Variants in RBFOX1 observed in about 807,000 individuals in gnomAD.
The protein encoded by RBFOX1 is RNA binding protein fox-1 homolog 1.
In RBFOX1, 8 loss-of-function variants were observed where a neutral mutation model predicts 57.7. That is an observed-to-expected ratio of 0.14 (90% CI 0.08 to 0.25). The LOEUF is 0.25. Among genes scored for constraint, RBFOX1 ranks in the 10% least tolerant of loss-of-function variants. The pLI, the probability that RBFOX1 is intolerant of heterozygous loss-of-function variation, is 1.00. For missense variants in RBFOX1, 611 were observed against 548.5 expected, an observed-to-expected ratio of 1.11 and a Z score of -1.14; for synonymous variants, 326 against 222.4, an observed-to-expected ratio of 1.47 and a Z score of -4.15.
intron 4 of RBFOX1, among the ~76,000 whole-genome samples, chr16:7,126,852 C>CA (rs1274015345): frequency 2.0e-5 from 3 of 151,432 alleles, no homozygotes; most frequent in African/African-American, 4.9e-5. Context: ...ACTAAACATA[C>CA]AAAAAAATGA....
intron 4 of RBFOX1, among the ~76,000 whole-genome samples, chr16:7,245,422 T>A (rs551320227): frequency 6.7e-6 from 1 of 150,224 alleles, no homozygotes; most frequent in Non-Finnish European, 1.5e-5. Context: ...TATCAACCCG[T>A]CACCTAGTAT....
chr16:7,656,884 A>C (rs1242927339), intron 12 of RBFOX1, among the ~76,000 whole-genome samples: 1 of 152,184 alleles, frequency 6.6e-6, no homozygotes, highest in Non-Finnish European at 1.5e-5. Context: ...AGAAGAGAAG[A>C]AATATGGGGT....
At chr16:6,802,254 C>A (rs967103213) in intron 3 of RBFOX1, among the ~76,000 whole-genome samples, 1 of 151,912 alleles carries the variant, frequency 6.6e-6, no homozygotes, top group South Asian at 2.1e-4. Flanking sequence ...CAGTCAGTGC[C>A]GAAACAGTAG....
intron 1 of RBFOX1, among the ~76,000 whole-genome samples, chr16:6,262,004 G>A (rs1344550963): frequency 2.6e-5 from 4 of 151,932 alleles, no homozygotes; most frequent in Non-Finnish European, 5.9e-5. Flanking sequence ...ACTCCAGCCT[G>A]GGCAACAGAG....
chr16:5,420,022 G>A lies in RBFOX1; in HGVS notation c.220-47194G>A, dbSNP rs141380165. On this transcript the variant is annotated intron_variant, in intron 1 of 2. Transcript: ENST00000585867. ...TGTGACTTGGGCCTGTGAGACCCTG[G>A]GAAGAGAGTCCAACTGAGTCCCCTG... Among the ~76,000 whole-genome samples, 12 of 152,254 alleles carry A rather than the reference G, an allele frequency of 7.9e-5. No individual in the cohort carries two copies. In the East Asian group the frequency reaches 1.6e-3, roughly 20 times the overall value.
intron 2 of RBFOX1, among the ~76,000 whole-genome samples, chr16:6,389,848 C>T (rs1467841632): frequency 2.0e-5 from 3 of 152,104 alleles, no homozygotes; most frequent in Non-Finnish European, 4.4e-5. Flanking sequence ...TGCTGTCTTC[C>T]CAGTATTTGG....
chr16:6,159,877 C>A (rs971922643), intron 1 of RBFOX1, among the ~76,000 whole-genome samples: 3 of 123,978 alleles, frequency 2.4e-5, no homozygotes, highest in Admixed American at 9.8e-5. Context: ...GGTATTAAAT[C>A]AGTATCTCCT....
At chr16:7,326,920 G>A (rs2096619279) in intron 4 of RBFOX1, among the ~76,000 whole-genome samples, 1 of 152,114 alleles carries the variant, frequency 6.6e-6, no homozygotes, top group Non-Finnish European at 1.5e-5. Flanking sequence ...ATTTCTGGAA[G>A]GATTTGGGAA....
At chr16:6,238,107 A>G (rs2097520663) in intron 1 of RBFOX1, among the ~76,000 whole-genome samples, 2 of 150,536 alleles carry the variant, frequency 1.3e-5, no homozygotes, top group Non-Finnish European at 1.5e-5. Flanking sequence ...AAAAAAAAAA[A>G]AAAAGAAAGA....
intron 5 of RBFOX1, among the ~76,000 whole-genome samples, chr16:7,542,793 G>C (rs2083307351): frequency 7.3e-6 from 1 of 136,388 alleles, no homozygotes; most frequent in Non-Finnish European, 1.6e-5. Flanking sequence ...ATTGAACCTG[G>C]GAGGCAAGAC....
chr16:6,819,437 G>A (rs574523601), intron 3 of RBFOX1, among the ~76,000 whole-genome samples: 3 of 152,200 alleles, frequency 2.0e-5, no homozygotes, highest in Admixed American at 2.0e-4. Context: ...GGTAGGCCGG[G>A]CATGGTGGCT....
At chr16:7,217,896 A>G (rs1042870209) in intron 4 of RBFOX1, among the ~76,000 whole-genome samples, 5 of 127,388 alleles carry the variant, frequency 3.9e-5, no homozygotes, top group Non-Finnish European at 6.7e-5. Flanking sequence ...GTGCATGCGT[A>G]TGTGTGTGCA....
intron 3 of RBFOX1, among the ~76,000 whole-genome samples, chr16:6,817,009 A>T (rs1192061233): frequency 6.6e-6 from 1 of 152,018 alleles, no homozygotes; most frequent in African/African-American, 2.4e-5. Flanking sequence ...CTGCCTCCCA[A>T]AGTGCTGAGA....
intron 14 of RBFOX1, among the ~76,000 whole-genome samples, chr16:7,707,001 T>C (rs955450944): frequency 6.6e-6 from 1 of 152,170 alleles, no homozygotes; most frequent in African/African-American, 2.4e-5. Flanking sequence ...CCATTTTTGA[T>C]AAGAAGGACT....
intron 4 of RBFOX1, among the ~76,000 whole-genome samples, chr16:5,992,283 G>T (rs1200789438): frequency 6.6e-6 from 1 of 152,146 alleles, no homozygotes; most frequent in Non-Finnish European, 1.5e-5. Context: ...AGCTGCAGTG[G>T]GATTGCAATA....
At chr16:7,025,685 G>T (rs1035645970) in intron 3 of RBFOX1, among the ~76,000 whole-genome samples, 2 of 152,134 alleles carry the variant, frequency 1.3e-5, no homozygotes, top group Non-Finnish European at 1.5e-5. Flanking sequence ...AGAAGGCCTG[G>T]CCTGGCCTCT....
chr16:7,388,786 C>G (rs566676838), intron 4 of RBFOX1, among the ~76,000 whole-genome samples: 1 of 151,316 alleles, frequency 6.6e-6, no homozygotes, highest in East Asian at 2.0e-4. Flanking sequence ...TGAGTTTGTC[C>G]AAATGTAGGC....
chr16:7,029,105 CACACACACACACACACAT>C (rs1568440127), intron 3 of RBFOX1, among the ~76,000 whole-genome samples: 2 of 92,556 alleles, frequency 2.2e-5, no homozygotes, highest in Non-Finnish European at 3.8e-5. Flanking sequence ...CACACACACA[CACACACACACACACACAT>C]ATACGTATAT....
chr16:7,144,368 A>G lies in RBFOX1; in HGVS notation c.27+92270A>G, dbSNP rs534762898. ...TGGTACCCATCCTTGGACACTATCC[A>G]TGGCCACCCAGGTTAAAACTTCTTC... On this transcript the variant is annotated intron_variant, in intron 4 of 15. Coordinates refer to ENST00000550418, the MANE Select transcript of RBFOX1 (RefSeq NM_018723.4). 1.4e-3 allele frequency among the ~76,000 whole-genome samples: 213 copies of G among 148,496 alleles called. 1 individual carries two copies. The highest frequency in any genetic ancestry group is 5.2e-3 in the African/African-American group (208 of 40,266).
Sources: gnomAD v4.1 joint callset for allele counts (sites outside exome capture counted in the v4.1 genomes callset) on GRCh38, gnomAD v4.1.1 for gene constraint, MANE v1.5 for transcripts, NCBI Gene and HGNC (gene_info 2026-07-23, HGNC 2026-07-21) for gene names.